The following SNX24 variants were observed in gnomAD, a reference collection of about 807,000 sequenced individuals.
SNX24 encodes the protein sorting nexin-24.
SNX24 carries 22 observed loss-of-function variants against 28.7 expected under a neutral mutation model. That is an observed-to-expected ratio of 0.77 (90% CI 0.55 to 1.10). SNX24 has a LOEUF of 1.10. SNX24 is among the 50% of genes least tolerant of loss of function. The probability of loss-of-function intolerance (pLI) is 0.00; values close to 1 mark genes in which losing one functional copy is unlikely to be tolerated. For missense variants in SNX24, 221 were observed against 201.1 expected, an observed-to-expected ratio of 1.10 and a Z score of -0.60; for synonymous variants, 69 against 71.5, an observed-to-expected ratio of 0.96 and a Z score of 0.18.
At chr5:122,917,294 C>G (rs532406573) in intron 1 of SNX24, among the ~76,000 whole-genome samples, 1 of 151,938 alleles carries the variant, frequency 6.6e-6, no homozygotes, top group African/African-American at 2.4e-5. Context: ...GACTGCTCCT[C>G]AACATCTCTC....
At chr5:122,879,581 A>G (rs576812669) in intron 1 of SNX24, among the ~76,000 whole-genome samples, 1 of 152,354 alleles carries the variant, frequency 6.6e-6, no homozygotes, top group South Asian at 2.1e-4. Context: ...ACCACTTACA[A>G]GCTGTGAGAC....
intron 3 of SNX24, among the ~76,000 whole-genome samples, chr5:122,953,293 C>T (rs183771072): frequency 6.6e-6 from 1 of 152,156 alleles, no homozygotes; most frequent in East Asian, 1.9e-4. Context: ...TTAATAGAAA[C>T]AGGGTTTCGC....
chr5:122,919,212 T>C (rs1383276555), intron 1 of SNX24, among the ~76,000 whole-genome samples: 1 of 152,240 alleles, frequency 6.6e-6, no homozygotes, highest in Non-Finnish European at 1.5e-5. Flanking sequence ...TTGGACTGTT[T>C]GTGCAAAGAG....
rs116040536 is a variant in SNX24, at chr5:122,980,253, A to T, written c.250-19659A>T. ...TTTATCATGAAGCTGTTTGCCCATA[A>T]TAGCAGAACTCTGCAGATCTACTTT... On this transcript the variant is annotated intron_variant, in intron 3 of 6. Transcript: ENST00000261369. Among the ~76,000 whole-genome samples, 1,259 of 152,314 alleles carry T rather than the reference A, an allele frequency of 8.3e-3. 17 individuals carry two copies. Among genetic ancestry groups the T allele is most frequent in the African/African-American group, 0.029 (1,193 of 41,572 alleles).
intron 1 of SNX24, among the ~76,000 whole-genome samples, chr5:122,908,009 C>A (rs542271647): frequency 4.6e-5 from 7 of 151,954 alleles, no homozygotes; most frequent in African/African-American, 1.7e-4. Context: ...TGCAAGTGTT[C>A]ACGAACAAAT....
At position 123,000,016 on chromosome 5, in the gene SNX24, A is replaced by G; in HGVS notation, c.344+10A>G. On this transcript the variant is annotated intron_variant, in intron 4 of 6. Coordinates refer to ENST00000261369, the MANE Select transcript of SNX24 (RefSeq NM_014035.4). ...AGGCAGAAAGTTGTGGGTAAGAATCATGTTTGCATATTGGATGTGTATTTT... is the reference window on the plus strand; with the variant it reads ...AGGCAGAAAGTTGTGGGTAAGAATCGTGTTTGCATATTGGATGTGTATTTT... 1 of 1,500,502 alleles carries G rather than the reference A, an allele frequency of 6.7e-7. No individual in the cohort carries two copies. The highest frequency in any genetic ancestry group is 1.1e-5 in the South Asian group (1 of 88,688). 92.9% of individuals were successfully genotyped at this position (1,500,502 alleles called of 1,614,324 possible).
chr5:122,991,239 A>G (rs1038340889), intron 3 of SNX24, among the ~76,000 whole-genome samples: 1 of 151,968 alleles, frequency 6.6e-6, no homozygotes, highest in African/African-American at 2.4e-5. Context: ...TTTTTCCATC[A>G]TCCAGAAAAT....
At chr5:122,911,371 C>T (rs1367475009) in intron 1 of SNX24, among the ~76,000 whole-genome samples, 1 of 151,906 alleles carries the variant, frequency 6.6e-6, no homozygotes, top group Non-Finnish European at 1.5e-5. Flanking sequence ...GGATATTAGC[C>T]CTTCGTCAGA....
Position 123,008,082 on chromosome 5 carries a change from A to G in SNX24, c.*333A>G. The G allele has an allele frequency of 2.9e-6, 3 of 1,045,380 alleles. No homozygotes were observed. Among genetic ancestry groups the G allele is most frequent in the Non-Finnish European group, 3.5e-6 (3 of 868,812 alleles). The allele number at this position is 1,045,380 out of a possible 1,614,324, so 64.8% of individuals were successfully genotyped here. A position where few individuals can be genotyped will look rare whatever the true frequency, so the allele number is the denominator to read the frequency against. On this transcript the variant is annotated 3_prime_UTR_variant, in exon 7 of 7. Coordinates refer to ENST00000261369, the MANE Select transcript of SNX24 (RefSeq NM_014035.4). Reference sequence around the variant, plus strand: ...AGCCACTCTCTGCTTCAGTCGCACCATTTGCTAATTGAAAATCATATCCTG... The same window carrying G: ...AGCCACTCTCTGCTTCAGTCGCACCGTTTGCTAATTGAAAATCATATCCTG...
At chr5:122,972,158 C>T (rs1760986249) in intron 3 of SNX24, among the ~76,000 whole-genome samples, 2 of 152,186 alleles carry the variant, frequency 1.3e-5, no homozygotes, top group African/African-American at 2.4e-5. Context: ...AGGAAGAGCT[C>T]ATAGTGTCCA....
At chr5:122,922,704 C>T (rs1758492286) in intron 1 of SNX24, among the ~76,000 whole-genome samples, 1 of 152,194 alleles carries the variant, frequency 6.6e-6, no homozygotes, top group Non-Finnish European at 1.5e-5. Context: ...AATTTTTCCC[C>T]CAGTGGTCCT....
chr5:122,868,138 A>G (rs1167690330), intron 1 of SNX24, among the ~76,000 whole-genome samples: 6 of 152,210 alleles, frequency 3.9e-5, no homozygotes, highest in Non-Finnish European at 8.8e-5. Context: ...CCATGGGGCC[A>G]TAGGTGCAGA....
chr5:122,854,515 C>CAAAAAAA (rs55693230), intron 1 of SNX24, among the ~76,000 whole-genome samples: 4 of 121,406 alleles, frequency 3.3e-5, no homozygotes, highest in African/African-American at 1.3e-4. Context: ...CTCAAAAAAA[C>CAAAAAAA]AAAAAAAAAA....
rs370749249 is a variant in SNX24, at chr5:122,888,306, C to A, written c.60+42613C>A. Among the ~76,000 whole-genome samples the A allele has an allele frequency of 1.2e-4, 18 of 152,276 alleles. 2 individuals are homozygous for A. The highest frequency in any genetic ancestry group is 3.9e-4 in the East Asian group (2 of 5,178). On this transcript the variant is annotated intron_variant, in intron 1 of 6. Coordinates refer to ENST00000261369, the MANE Select transcript of SNX24 (RefSeq NM_014035.4). ...TCCCTAGTTCAGGCCAGGTTCCTAT[C>A]CGTTAGGGAGGGAGAGAGTATAGCA...
At chr5:123,005,394 G>A (rs542004832) in intron 6 of SNX24, among the ~76,000 whole-genome samples, 1 of 152,110 alleles carries the variant, frequency 6.6e-6, no homozygotes, top group South Asian at 2.1e-4. Context: ...CACCCAAATG[G>A]CACCATCACT....
intron 3 of SNX24, among the ~76,000 whole-genome samples, chr5:122,961,113 G>A (rs1465466585): frequency 6.6e-6 from 1 of 152,154 alleles, no homozygotes; most frequent in Non-Finnish European, 1.5e-5. Context: ...CTCTGGCTGA[G>A]GATTCTTTGA....
intron 4 of SNX24, 88 bp downstream of exon 4, chr5:123,000,094 G>T: frequency 3.3e-6 from 3 of 902,598 alleles, no homozygotes; most frequent in Middle Eastern, 2.2e-4. Context: ...AGTGATGCCC[G>T]AGTAGCCTGC....
downstream of SNX24, among the ~76,000 whole-genome samples, chr5:123,012,244 C>T (rs115404077): frequency 0.016 from 2,453 of 152,226 alleles, 59 homozygotes; most frequent in African/African-American, 0.042. Context: ...AGCATGAGAA[C>T]GGACTAATAC....
At chr5:122,990,443 C>T (rs1761793251) in intron 3 of SNX24, among the ~76,000 whole-genome samples, 1 of 152,178 alleles carries the variant, frequency 6.6e-6, no homozygotes, top group African/African-American at 2.4e-5. Flanking sequence ...TCTATCTAGA[C>T]TATACCACTT....
Sources: allele counts gnomAD v4.1 joint callset (sites outside exome capture counted in the v4.1 genomes callset), GRCh38; gene constraint gnomAD v4.1.1; transcripts MANE v1.5; gene names NCBI Gene and HGNC (gene_info 2026-07-23, HGNC 2026-07-21).